ARID1B: variants seen among roughly 807,000 people sequenced by gnomAD.
ARID1B encodes AT-rich interaction domain 1B, also known as AT-rich interactive domain-containing protein 1B.
In ARID1B, 30 loss-of-function variants were observed where a neutral mutation model predicts 212.3. That is an observed-to-expected ratio of 0.14 (90% CI 0.11 to 0.19). ARID1B has a LOEUF of 0.19. Among genes scored for constraint, ARID1B ranks in the 10% least tolerant of loss-of-function variants. ARID1B has a pLI of 1.00. For synonymous variants in ARID1B, 1,402 were observed against 1,301.7 expected (o/e 1.08, Z -1.66); for missense variants, 2,891 against 3,204.0 (o/e 0.90, Z 2.36).
intron 3 of ARID1B, among the ~76,000 whole-genome samples, chr6:156,906,823 C>T (rs1441568621): frequency 2.0e-5 from 3 of 152,140 alleles, no homozygotes; most frequent in African/African-American, 7.2e-5. Flanking sequence ...TTATAACATT[C>T]TTCAAAAAGA....
At chr6:157,059,059 G>C (rs924018904) in intron 4 of ARID1B, among the ~76,000 whole-genome samples, 2 of 150,918 alleles carry the variant, frequency 1.3e-5, no homozygotes, top group Non-Finnish European at 2.9e-5. Flanking sequence ...CTTGGAAATT[G>C]TGTTTTTGTT....
intron 2 of ARID1B, among the ~76,000 whole-genome samples, chr6:156,898,440 C>T (rs1788662347): frequency 6.6e-6 from 1 of 152,068 alleles, no homozygotes; most frequent in Non-Finnish European, 1.5e-5. Flanking sequence ...TGAGCAGTGC[C>T]AGAATGCCCT....
chr6:156,967,349 A>G (rs1429851658), intron 4 of ARID1B, among the ~76,000 whole-genome samples: 2 of 152,264 alleles, frequency 1.3e-5, no homozygotes, highest in Admixed American at 1.3e-4. Flanking sequence ...TAGCGATATT[A>G]AGACACAAAT....
chr6:156,824,092 T>C (rs1782578663), intron 1 of ARID1B, among the ~76,000 whole-genome samples: 1 of 152,178 alleles, frequency 6.6e-6, no homozygotes, highest in Non-Finnish European at 1.5e-5. Flanking sequence ...AAATAGACAA[T>C]GTATTTCTTC....
At chr6:156,877,890 A>G (rs1008544005) in intron 2 of ARID1B, among the ~76,000 whole-genome samples, 1 of 148,390 alleles carries the variant, frequency 6.7e-6, no homozygotes, top group Non-Finnish European at 1.5e-5. Context: ...TTTTTTTTGT[A>G]TTTTTAGTAG....
chr6:157,156,608 G>A (rs778143413), intron 8 of ARID1B, among the ~76,000 whole-genome samples: 3 of 152,140 alleles, frequency 2.0e-5, no homozygotes, highest in Non-Finnish European at 4.4e-5. Context: ...GACCTGGGAG[G>A]GACCGGAGAC....
At chr6:157,054,223 C>CAAAAAAAA (rs71645383) in intron 4 of ARID1B, among the ~76,000 whole-genome samples, 9 of 144,744 alleles carry the variant, frequency 6.2e-5, no homozygotes, top group Non-Finnish European at 9.1e-5. Context: ...GACTCTGTCT[C>CAAAAAAAA]AAAAAAAAGA....
intron 4 of ARID1B, among the ~76,000 whole-genome samples, chr6:157,042,078 T>C (rs914907550): frequency 6.6e-6 from 1 of 152,220 alleles, no homozygotes; most frequent in Non-Finnish European, 1.5e-5. Context: ...GGCAGTAATG[T>C]GTTCGATTCT....
intron 1 of ARID1B, among the ~76,000 whole-genome samples, chr6:156,780,831 C>T (rs1779207635): frequency 1.3e-5 from 2 of 152,140 alleles, no homozygotes; most frequent in Admixed American, 6.5e-5. Context: ...ATATCATAGA[C>T]TTTAATTGGA....
intron 1 of ARID1B, among the ~76,000 whole-genome samples, chr6:156,808,509 A>G (rs1781340024): frequency 6.6e-6 from 1 of 152,212 alleles, no homozygotes; most frequent in Non-Finnish European, 1.5e-5. Flanking sequence ...CCCTGTTACT[A>G]AAGTCAATGC....
In ARID1B at chr6:157,201,861, C is replaced by G. The variant is rs1794138856; in HGVS notation, c.5263+373C>G. Among the ~76,000 whole-genome samples the G allele has an allele frequency of 6.6e-6, 1 of 151,862 alleles. No homozygotes were observed. Among genetic ancestry groups the G allele is most frequent in the African/African-American group, 2.4e-5 (1 of 41,172 alleles). ...AGCTTCAAGTAAGAGATCAGGGAAT[C>G]CTGAGTGGTTATATGCTGTATTTTG... On this transcript the variant is annotated intron_variant, in intron 18 of 19. Transcript: ENST00000636930. The surrounding 1 kb of genome is among the most constrained non-coding windows in gnomAD (Gnocchi z 5.2).
chr6:157,035,531 A>G (rs1424772374), intron 4 of ARID1B, among the ~76,000 whole-genome samples: 1 of 152,238 alleles, frequency 6.6e-6, no homozygotes, highest in African/African-American at 2.4e-5. Context: ...AGTCTATAAT[A>G]AGGCCTTGTT....
At chr6:157,144,870 T>G (rs1347782032) in intron 7 of ARID1B, among the ~76,000 whole-genome samples, 2 of 152,228 alleles carry the variant, frequency 1.3e-5, no homozygotes, top group Non-Finnish European at 2.9e-5. Flanking sequence ...ACAGTGGTGT[T>G]TTTTTATTTT....
intron 1 of ARID1B, among the ~76,000 whole-genome samples, chr6:156,820,098 G>T (rs1305677615): frequency 6.6e-6 from 1 of 152,182 alleles, no homozygotes; most frequent in Non-Finnish European, 1.5e-5. Flanking sequence ...GCCTGTGGAT[G>T]TCTGGGCAGG....
At chr6:157,006,863 G>A (rs759500480) in intron 4 of ARID1B, among the ~76,000 whole-genome samples, 3 of 152,156 alleles carry the variant, frequency 2.0e-5, no homozygotes, top group African/African-American at 4.8e-5. Flanking sequence ...CTTTTTTCAC[G>A]TGGAAGTAAT....
At chr6:157,183,207 C>T (rs1792693541) in intron 12 of ARID1B, among the ~76,000 whole-genome samples, 1 of 152,136 alleles carries the variant, frequency 6.6e-6, no homozygotes, top group Non-Finnish European at 1.5e-5. Context: ...GAGCAGCGCC[C>T]AGCTTGCCAT....
At chr6:156,821,378 G>C (rs1341060586) in intron 1 of ARID1B, among the ~76,000 whole-genome samples, 3 of 152,190 alleles carry the variant, frequency 2.0e-5, no homozygotes, top group African/African-American at 7.2e-5. Flanking sequence ...TGTTGAGGGG[G>C]CTGAGAATGG....
At chr6:156,836,257 A>G (rs543509080) in intron 2 of ARID1B, among the ~76,000 whole-genome samples, 5 of 152,316 alleles carry the variant, frequency 3.3e-5, no homozygotes, top group Middle Eastern at 3.4e-3. Context: ...CTCCCGGGGC[A>G]TTAAGAAAAT....
intron 2 of ARID1B, among the ~76,000 whole-genome samples, chr6:156,847,272 A>C (rs569296470): frequency 6.6e-6 from 1 of 152,364 alleles, no homozygotes; most frequent in East Asian, 1.9e-4. Context: ...AAACCTAAGA[A>C]TAAATGAATT....
Sources: gnomAD v4.1 joint callset for allele counts (sites outside exome capture counted in the v4.1 genomes callset) on GRCh38, gnomAD v4.1.1 for gene constraint, Gnocchi (gnomAD v3.1) non-coding constraint, MANE v1.5 for transcripts, NCBI Gene and HGNC (gene_info 2026-07-23, HGNC 2026-07-21) for gene names.